The following C2 variants were observed in gnomAD, a reference collection of about 807,000 sequenced individuals.
C2 encodes C3/C5 convertase.
C2 carries 64 observed loss-of-function variants against 85.2 expected under a neutral mutation model. The ratio of observed to expected loss-of-function variants is 0.75; its 90% CI spans 0.61 to 0.92. C2 has a LOEUF of 0.92. Among genes scored for constraint, C2 ranks in the 40% least tolerant of loss-of-function variants. C2 has a pLI of 0.00. For missense variants in C2, 820 were observed against 971.6 expected, an observed-to-expected ratio of 0.84 and a Z score of 2.07; for synonymous variants, 311 against 370.8, an observed-to-expected ratio of 0.84 and a Z score of 1.85.
At chr6:31,925,692 T>C (rs1396924101), upstream of C2, among the ~76,000 whole-genome samples, 1 of 152,186 alleles carries the variant, frequency 6.6e-6, no homozygotes, top group African/African-American at 2.4e-5. Context: ...GAAGACTACA[T>C]TGAGCTTCCA....
intron 9 of C2, 25 bp from the exon 10 acceptor site, chr6:31,942,931 GTCT>G: frequency 6.2e-7 from 1 of 1,612,864 alleles, no homozygotes; most frequent in South Asian, 1.1e-5. Context: ...AGCCACAGGA[GTCT>G]GGTGATTTCC....
chr6:31,943,472 A>G lies in C2; in HGVS notation c.1512A>G (p.Thr504=), dbSNP rs1336129047. Residue 504 remains threonine, a synonymous_variant, in exon 12 of 18, where the codon ACA becomes ACG. Transcript: ENST00000299367. This position sits in a 1 kb window ranked among gnomAD's most constrained non-coding sequence, Gnocchi z 6.4. Reference sequence around the variant, plus strand: ...TCATCTCCGACCAATGGGTCCTGACAGCAGCTCATTGCTTCCGCGATGGCA... The same window carrying G: ...TCATCTCCGACCAATGGGTCCTGACGGCAGCTCATTGCTTCCGCGATGGCA... ...GALISDQWVL[T]AAHCFRDGND... The G allele has an allele frequency of 1.9e-6, 3 of 1,612,994 alleles. No individual in the cohort carries two copies. The highest frequency in any genetic ancestry group is 1.3e-5 in the African/African-American group (1 of 74,942).
In C2 at chr6:31,904,914, C is replaced by G. The variant is rs533787393; in HGVS notation, c.73+3775C>G. ...TCCAGCCCACCCAGTTACAACTCTG[C>G]GTAAAAACAAGCAGAGGTGCACAAA... On this transcript the variant is annotated intron_variant, in intron 1 of 3. Transcript: ENST00000452202. The surrounding 1 kb of genome is among the most constrained non-coding windows in gnomAD (Gnocchi z 4.4). Among the ~76,000 whole-genome samples, 1 of 151,968 alleles carries G rather than the reference C, an allele frequency of 6.6e-6. No homozygotes were observed. Among genetic ancestry groups the G allele is most frequent in the Non-Finnish European group, 1.5e-5 (1 of 68,014 alleles).
chr6:31,900,290 G>A (rs757077453), upstream of C2: 4 of 1,612,946 alleles, frequency 2.5e-6, no homozygotes, highest in East Asian at 2.2e-5. The surrounding 1 kb of genome is among the most constrained non-coding windows in gnomAD (Gnocchi z 9.7). Flanking sequence ...GAACACTTCC[G>A]GGCACTTGGT....
At chr6:31,937,206 C>CA (rs9279478) in intron 7 of C2, 113 bp from the exon 8 acceptor site, 187,198 of 1,003,352 alleles carry the variant, frequency 0.19, 3,782 homozygotes, top group African/African-American at 0.29. Context: ...GAGACTCTCT[C>CA]AAAAAAAAAA....
chr6:31,933,008 C>A (rs181063261), intron 3 of C2, among the ~76,000 whole-genome samples: 1 of 152,190 alleles, frequency 6.6e-6, no homozygotes, highest in Non-Finnish European at 1.5e-5. Flanking sequence ...CGCAGGCACT[C>A]GGCAAGCTGA....
chr6:31,927,558 G>T, upstream of C2: 1 of 1,509,834 alleles, frequency 6.6e-7, no homozygotes, highest in Non-Finnish European at 8.8e-7. The surrounding 1 kb of genome is among the most constrained non-coding windows in gnomAD (Gnocchi z 4.7). Context: ...ACAGGGCAAA[G>T]GTTTCACCCT....
chr6:31,933,149 G>A (rs1770065718), intron 3 of C2, among the ~76,000 whole-genome samples: 1 of 152,170 alleles, frequency 6.6e-6, no homozygotes, highest in Non-Finnish European at 1.5e-5. Flanking sequence ...GTGAGGGAGA[G>A]GGAGCTCTAG....
rs1183020011 is a variant in C2, at chr6:31,945,020, G to T, written c.2070G>T (p.Arg690Ser). ...GGAVFLERRFRFFQVGLVSWG... is the reference protein window; with the variant it reads ...GGAVFLERRFSFFQVGLVSWG... ...CAGTTTTCCTTGAGCGGAGATTCAG[G>T]TTTTTTCAGGTGAGAAGGTAGAAGC... The change falls in exon 17 of 18, where the codon AGG becomes AGT. Residue 690 changes from arginine (R) to serine (S), a missense_variant. Transcript: ENST00000299367. The surrounding 1 kb of genome is among the most constrained non-coding windows in gnomAD (Gnocchi z 5.3). 1.2e-6 allele frequency: 2 copies of T among 1,613,034 alleles called. No individual in the cohort carries two copies. Among genetic ancestry groups the T allele is most frequent in the Middle Eastern group, 1.6e-4 (1 of 6,062 alleles).
chr6:31,923,944 C>T (rs1769122745), upstream of C2, among the ~76,000 whole-genome samples: 8 of 152,068 alleles, frequency 5.3e-5, no homozygotes, highest in South Asian at 1.2e-3. Context: ...GGACTACAGG[C>T]GCCTGCCACC....
intron 8 of C2, 41 bp from the exon 9 acceptor site, chr6:31,939,190 C>G (rs1264729449): frequency 7.0e-7 from 1 of 1,421,010 alleles, no homozygotes; most frequent in Non-Finnish European, 9.9e-7. Context: ...TGGGGAAATC[C>G]TGATATTACC....
intron 5 of C2, 54 bp from the exon 6 acceptor site, chr6:31,934,112 G>A: frequency 3.7e-6 from 6 of 1,603,616 alleles, no homozygotes; most frequent in Non-Finnish European, 5.1e-6. Flanking sequence ...CCTGCTTGGC[G>A]AGAGCGCAGG....
Position 31,944,174 on chromosome 6 carries a change from T to G in C2, c.1850T>G (p.Phe617Cys). The G allele has an allele frequency of 6.2e-7, 1 of 1,612,960 alleles. No individual in the cohort carries two copies. Among genetic ancestry groups the G allele is most frequent in the Non-Finnish European group, 8.5e-7 (1 of 1,179,914 alleles). ...LLNKQSVPAHFVALNGSKLNI... is the reference protein window; with the variant it reads ...LLNKQSVPAHCVALNGSKLNI... ...AACAAACAGAGTGTTCCTGCTCATT[T>G]TGTCGCCTTGAATGGGAGCAAACTG... is the stretch of plus-strand genomic sequence containing the variant. Residue 617 changes from phenylalanine to cysteine, a missense_variant, in exon 15 of 18, where the codon TTT (phenylalanine) becomes TGT (cysteine). Phe to Cys is a radical substitution (Grantham distance 205, BLOSUM62 -2). Coordinates refer to ENST00000299367, the MANE Select transcript of C2 (RefSeq NM_000063.6). This position sits in a 1 kb window ranked among gnomAD's most constrained non-coding sequence, Gnocchi z 5.1.
At chr6:31,901,156 G>C in intron 1 of C2, 1 of 1,613,828 alleles carries the variant, frequency 6.2e-7, no homozygotes, top group Non-Finnish European at 8.5e-7. Flanking sequence ...AGGCGGCCAA[G>C]ATGACCTTGT....
chr6:31,928,749 CCT>C lies in C2; in HGVS notation c.275_276del (p.Pro92ArgfsTer4), dbSNP rs770780241. 1.5e-5 allele frequency: 25 copies of C among 1,614,132 alleles called. No homozygotes were observed. The highest frequency in any genetic ancestry group is 1.7e-5 in the Non-Finnish European group (20 of 1,180,056). On this transcript the variant is annotated frameshift_variant, in exon 3 of 18. Transcript: ENST00000299367. LOFTEE classifies it high-confidence loss of function. ...CTCTCCAGCTGTGCGCTGTCCAGCC[CCT>C]GTCTCCTTTGAGAATGGCATTTATA... Reference protein sequence around the residue: ...AVCKPVRCPAPVSFENGIYTP... With the variant: ...AVCKPVRCPAXVSFENGIYTP...
At chr6:31,906,397 A>G (rs1280196794) in intron 1 of C2, among the ~76,000 whole-genome samples, 1 of 151,586 alleles carries the variant, frequency 6.6e-6, no homozygotes, top group Non-Finnish European at 1.5e-5. Flanking sequence ...CCCAGCCTCA[A>G]CCTGCCTCCA....
chr6:31,933,723 T>G lies in C2; in HGVS notation c.556T>G (p.Ser186Ala). ...RCSSNLVLTGSSERECQGNGV... is the reference protein window; with the variant it reads ...RCSSNLVLTGASERECQGNGV... ...CTCCTCGAATCTTGTGCTCACGGGG[T>G]CTTCGGAGCGGGAGTGCCAGGGCAA... The change falls in exon 4 of 18, where the codon TCT becomes GCT. Residue 186 changes from serine (S) to alanine (A), a missense_variant. By Grantham distance (99) the Ser-to-Ala change is moderately conservative (BLOSUM62 1). Transcript: ENST00000299367. 1 of 1,613,334 alleles carries G rather than the reference T, an allele frequency of 6.2e-7. No homozygotes were observed. Among genetic ancestry groups the G allele is most frequent in the Non-Finnish European group, 8.5e-7 (1 of 1,180,018 alleles).
intron 3 of C2, among the ~76,000 whole-genome samples, chr6:31,930,874 T>C (rs1266275479): frequency 2.6e-5 from 4 of 152,272 alleles, no homozygotes; most frequent in African/African-American, 9.6e-5. Context: ...TATTGTAAAA[T>C]GTACAAATCT....
At chr6:31,907,841 C>CTTTTTTTTTTTT (rs9281622) in intron 1 of C2, among the ~76,000 whole-genome samples, 1 of 67,976 alleles carries the variant, frequency 1.5e-5, no homozygotes, top group Non-Finnish European at 2.5e-5. Context: ...CCACTTCTGG[C>CTTTTTTTTTTTT]TTTTTTTTTT....
Sources: gnomAD v4.1 joint callset for allele counts (sites outside exome capture counted in the v4.1 genomes callset) on GRCh38, gnomAD v4.1.1 for gene constraint, Gnocchi (gnomAD v3.1) non-coding constraint, MANE v1.5 for transcripts, NCBI Gene and HGNC (gene_info 2026-07-23, HGNC 2026-07-21) for gene names.